The following DCUN1D2 variants were observed in gnomAD, a reference collection of about 807,000 sequenced individuals.
DCUN1D2 encodes defective in cullin neddylation 1 domain containing 2, also known as DCN1-like protein 2.
In DCUN1D2, 29 loss-of-function variants were observed where a neutral mutation model predicts 30.9. The observed-to-expected ratio is 0.94, with a 90% CI of 0.70 to 1.28. The LOEUF (loss-of-function observed/expected upper bound fraction) is 1.28. Among genes scored for constraint, DCUN1D2 ranks in the 50% most tolerant of loss-of-function variants. The probability of loss-of-function intolerance (pLI) is 0.00; values close to 1 mark genes in which losing one functional copy is unlikely to be tolerated. For missense variants in DCUN1D2, 325 were observed against 316.9 expected (o/e 1.03, Z -0.19); for synonymous variants, 121 against 115.3 (o/e 1.05, Z -0.32).
chr13:113,461,399 T>C (rs2044316095), intron 4 of DCUN1D2, among the ~76,000 whole-genome samples: 1 of 152,236 alleles, frequency 6.6e-6, no homozygotes, highest in South Asian at 2.1e-4. Context: ...TAATCAGTTT[T>C]GGAGACTTGC....
At position 113,456,153 on chromosome 13, in the gene DCUN1D2, G is replaced by A. The variant is rs1360352889; in HGVS notation, c.*1876C>T. The A allele has an allele frequency of 2.5e-6, 1 of 398,480 alleles. No homozygotes were observed. The highest frequency in any genetic ancestry group is 4.4e-6 in the Non-Finnish European group (1 of 226,072). The allele number at this position is 398,480 out of a possible 1,614,324, so 24.7% of individuals were successfully genotyped here. On this transcript the variant is annotated 3_prime_UTR_variant, in exon 7 of 7. Transcript: ENST00000478244. ...TTATTGTATTAGACAAATGCTCTCT[G>A]AGAATCGAAGACTTCTAAAGGTAGA...
intron 4 of DCUN1D2, among the ~76,000 whole-genome samples, chr13:113,468,455 T>C (rs1382102873): frequency 2.0e-5 from 3 of 152,354 alleles, no homozygotes; most frequent in South Asian, 2.1e-4. Context: ...GAATGAATAC[T>C]GGTGATGTTT....
chr13:113,485,392 C>T (rs749667151), intron 1 of DCUN1D2, among the ~76,000 whole-genome samples: 6 of 152,158 alleles, frequency 3.9e-5, no homozygotes, highest in Non-Finnish European at 7.4e-5. Flanking sequence ...AGTACAAGGA[C>T]GTGCCTGTCA....
chr13:113,472,172 C>T (rs566367773), intron 4 of DCUN1D2, among the ~76,000 whole-genome samples: 19 of 152,170 alleles, frequency 1.2e-4, no homozygotes, highest in African/African-American at 4.3e-4. Flanking sequence ...GCTATCCTCA[C>T]CTGTGCCCGT....
In DCUN1D2 at chr13:113,474,268, G is replaced by C. The variant is rs756317034; in HGVS notation, c.390-14C>G. 1.9e-6 allele frequency: 3 copies of C among 1,612,830 alleles called. No homozygotes were observed. The highest frequency in any genetic ancestry group is 1.7e-6 in the Non-Finnish European group (2 of 1,179,146). On this transcript the variant is annotated splice_polypyrimidine_tract_variant and intron_variant, in intron 3 of 6. Coordinates refer to ENST00000478244, the MANE Select transcript of DCUN1D2 (RefSeq NM_001014283.2). ...ATGCTGTCACACCTGCGATGACAGA[G>C]AGTGGTTTGTCTTGCAGCAGATGCG...
chr13:113,459,236 A>T (rs1042388431), intron 6 of DCUN1D2, 76 bp downstream of exon 6: 6 of 803,740 alleles, frequency 7.5e-6, no homozygotes, highest in African/African-American at 5.1e-5. Flanking sequence ...CGGGGTCACC[A>T]CTCTAGAGGC....
chr13:113,463,643 T>C (rs1390879866), intron 4 of DCUN1D2, among the ~76,000 whole-genome samples: 1 of 152,196 alleles, frequency 6.6e-6, no homozygotes, highest in Non-Finnish European at 1.5e-5. Flanking sequence ...CAAGTAACTT[T>C]ATCCTCTCTA....
intron 4 of DCUN1D2, among the ~76,000 whole-genome samples, chr13:113,464,969 T>C (rs2044377882): frequency 6.6e-6 from 1 of 152,264 alleles, no homozygotes; most frequent in African/African-American, 2.4e-5. Flanking sequence ...TACTTTTCTG[T>C]ATGTGTCAAG....
chr13:113,471,882 G>A (rs1218540089), intron 4 of DCUN1D2, among the ~76,000 whole-genome samples: 3 of 152,182 alleles, frequency 2.0e-5, no homozygotes, highest in African/African-American at 4.8e-5. Flanking sequence ...GCAGAGAGAC[G>A]TCAACAGAAG....
chr13:113,489,150 C>G, intron 1 of DCUN1D2: 1 of 985,404 alleles, frequency 1.0e-6, no homozygotes, highest in Non-Finnish European at 1.2e-6. Context: ...GGATCACTTT[C>G]ACTCTGTTTC....
intron 3 of DCUN1D2, 176 bp downstream of exon 3, chr13:113,480,399 G>GA (rs2044688029): frequency 2.1e-6 from 1 of 477,662 alleles, no homozygotes; most frequent in African/African-American, 2.0e-5. Context: ...GTGTTAAATT[G>GA]AAAATTAAAA....
At chr13:113,489,087 T>C in intron 1 of DCUN1D2, 1 of 984,878 alleles carries the variant, frequency 1.0e-6, no homozygotes, top group Non-Finnish European at 1.2e-6. Flanking sequence ...AGGGTCAACT[T>C]ACCCGGGGCT....
intron 4 of DCUN1D2, among the ~76,000 whole-genome samples, chr13:113,468,699 G>C (rs1025062449): frequency 7.0e-6 from 1 of 143,662 alleles, no homozygotes; most frequent in Non-Finnish European, 1.5e-5. Flanking sequence ...AGGCAGCACA[G>C]TGTGTAACCT....
At chr13:113,479,296 T>C (rs1453493325) in intron 3 of DCUN1D2, among the ~76,000 whole-genome samples, 2 of 152,202 alleles carry the variant, frequency 1.3e-5, no homozygotes, top group East Asian at 3.8e-4. Flanking sequence ...TTTAAATACA[T>C]TGGGACTCTT....
At chr13:113,461,975 G>A (rs1428814680) in intron 4 of DCUN1D2, among the ~76,000 whole-genome samples, 5 of 152,260 alleles carry the variant, frequency 3.3e-5, no homozygotes, top group East Asian at 1.9e-4. Context: ...GTGACCGGCC[G>A]GGCGTGGTGG....
At chr13:113,461,199 C>T (rs142413449) in intron 4 of DCUN1D2, 63 bp from the exon 5 acceptor site, 76 of 1,027,772 alleles carry the variant, frequency 7.4e-5, no homozygotes, top group East Asian at 1.5e-4. Context: ...GCACAAAAAA[C>T]GACCACTTCT....
rs772077330 is a variant in DCUN1D2, at chr13:113,458,073, AT to A, written c.735del (p.Glu245AspfsTer6). On this transcript the variant is annotated frameshift_variant, in exon 7 of 7. Coordinates refer to ENST00000478244, the MANE Select transcript of DCUN1D2 (RefSeq NM_001014283.2). LOFTEE classifies it low-confidence loss of function (END_TRUNC). ...CCACCTGTGACTACTGGCCGTGCAT[AT>A]TCTACAAAATCATCTATAAGAACGG... ...AWPVLIDDFV[E>X]YARPVVTGGK... 20 of 1,614,170 alleles carry A rather than the reference AT, an allele frequency of 1.2e-5. No individual in the cohort carries two copies. In the South Asian group the frequency reaches 2.0e-4, roughly 16 times the overall value.
chr13:113,456,683 C>T lies in DCUN1D2; in HGVS notation c.*1346G>A, dbSNP rs191612846. ...TGGGTCCTCCTCAACCAGGCGGACA[C>T]GAGAAACAGATGATAACATGGTGCA... On this transcript the variant is annotated 3_prime_UTR_variant, in exon 7 of 7. Transcript: ENST00000478244. 10 of 261,410 alleles carry T rather than the reference C, an allele frequency of 3.8e-5. No individual in the cohort carries two copies. The highest frequency in any genetic ancestry group is 6.5e-5 in the Non-Finnish European group (9 of 139,290). 16.2% of individuals were successfully genotyped at this position (261,410 alleles called of 1,614,324 possible).
chr13:113,489,651 T>C (rs1317944201), intron 1 of DCUN1D2, among the ~76,000 whole-genome samples: 5 of 152,160 alleles, frequency 3.3e-5, no homozygotes, highest in Non-Finnish European at 7.3e-5. Flanking sequence ...CTCTGTGCCT[T>C]AGCCAGGACA....
Sources: allele counts gnomAD v4.1 joint callset (sites outside exome capture counted in the v4.1 genomes callset), GRCh38; gene constraint gnomAD v4.1.1; transcripts MANE v1.5; gene names NCBI Gene and HGNC (gene_info 2026-07-23, HGNC 2026-07-21).